The following DNAH11 variants were observed in gnomAD, a reference collection of about 807,000 sequenced individuals.
The protein encoded by DNAH11 is axonemal beta dynein heavy chain 11.
Under a neutral mutation model 526.0 loss-of-function variants are expected in DNAH11, and 442 were observed. The observed-to-expected ratio is 0.84, with a 90% CI of 0.78 to 0.91. DNAH11 has a LOEUF of 0.91. Among genes scored for constraint, DNAH11 ranks in the 40% least tolerant of loss-of-function variants. The pLI is 0.00. For synonymous variants in DNAH11, 2,461 were observed against 1,935.9 expected (o/e 1.27, Z -7.12); for missense variants, 6,989 against 5,448.7 (o/e 1.28, Z -8.90).
chr7:21,833,994 C>A (rs1167690457), intron 65 of DNAH11, among the ~76,000 whole-genome samples: 1 of 152,142 alleles, frequency 6.6e-6, no homozygotes, highest in Non-Finnish European at 1.5e-5. Context: ...ACACTCTAGA[C>A]CAAATGGACC....
intron 44 of DNAH11, 77 bp from the exon 45 acceptor site, chr7:21,725,734 T>A (rs1785070479): frequency 7.0e-7 from 1 of 1,419,140 alleles, no homozygotes; most frequent in African/African-American, 1.4e-5. Context: ...TATGATATTG[T>A]TACTCATAAT....
chr7:21,804,872 A>G (rs146150813), intron 62 of DNAH11, among the ~76,000 whole-genome samples: 1 of 152,268 alleles, frequency 6.6e-6, no homozygotes, highest in African/African-American at 2.4e-5. Flanking sequence ...TTAATCACTC[A>G]AAGTCCAGCC....
At position 21,577,214 on chromosome 7, in the gene DNAH11, G is replaced by A. The variant is rs145895923; in HGVS notation, c.1594-4691G>A. Among the ~76,000 whole-genome samples the A allele has an allele frequency of 6.9e-4, 105 of 152,324 alleles. No homozygotes were observed. In the East Asian group the frequency reaches 0.018, roughly 26 times the overall value. ...TAGCCAAAGGCTCAAGAAGGAGAGA[G>A]CTTAACACAAAAGAAGATTTGTAAG... On this transcript the variant is annotated intron_variant, in intron 8 of 81. Transcript: ENST00000409508.
chr7:21,878,456 G>C (rs1028763118), intron 74 of DNAH11, among the ~76,000 whole-genome samples: 1 of 152,150 alleles, frequency 6.6e-6, no homozygotes, highest in Non-Finnish European at 1.5e-5. Context: ...GGATCTCCTA[G>C]AAATTTCTCA....
At chr7:21,575,085 C>T (rs2128438521) in intron 8 of DNAH11, among the ~76,000 whole-genome samples, 1 of 151,990 alleles carries the variant, frequency 6.6e-6, no homozygotes, top group East Asian at 1.9e-4. Context: ...CCATGTTGGC[C>T]AGGCTGGTCT....
rs147192080 is a variant in DNAH11, at chr7:21,634,896, A to G, written c.4501-975A>G. On this transcript the variant is annotated intron_variant, in intron 25 of 81. Coordinates refer to ENST00000409508, the MANE Select transcript of DNAH11 (RefSeq NM_001277115.2). ...GGGCAGATATGTAATGCTGTGTGAT[A>G]GAAGCGTTTCAGACATACTAACCAT... Among the ~76,000 whole-genome samples, 804 of 152,370 alleles carry G rather than the reference A, an allele frequency of 5.3e-3. 3 individuals carry two copies. Among genetic ancestry groups the G allele is most frequent in the Non-Finnish European group, 9.4e-3 (637 of 68,040 alleles).
At chr7:21,797,021 A>G (rs2127991637) in intron 61 of DNAH11, among the ~76,000 whole-genome samples, 1 of 152,320 alleles carries the variant, frequency 6.6e-6, no homozygotes, top group South Asian at 2.1e-4. Flanking sequence ...AATGAAAGTC[A>G]GATTAAAATA....
intron 9 of DNAH11, among the ~76,000 whole-genome samples, chr7:21,582,900 G>T (rs1406806421): frequency 6.6e-6 from 1 of 152,070 alleles, no homozygotes; most frequent in African/African-American, 2.4e-5. Flanking sequence ...TGAATTGGCT[G>T]GTCAGTGGAG....
At chr7:21,594,820 T>C (rs548805330) in intron 14 of DNAH11, among the ~76,000 whole-genome samples, 3 of 152,230 alleles carry the variant, frequency 2.0e-5, no homozygotes, top group South Asian at 2.1e-4. Flanking sequence ...GACTGGCAGC[T>C]CAGGGGAGGC....
intron 66 of DNAH11, among the ~76,000 whole-genome samples, chr7:21,849,601 A>G (rs565660409): frequency 6.6e-6 from 1 of 152,254 alleles, no homozygotes; most frequent in East Asian, 1.9e-4. Context: ...TTATTTGTTG[A>G]TTGTTTTTTT....
intron 14 of DNAH11, among the ~76,000 whole-genome samples, chr7:21,599,274 C>T (rs7788945): frequency 0.031 from 4,733 of 152,218 alleles, 240 homozygotes; most frequent in African/African-American, 0.11. Context: ...TAATAATAGC[C>T]TCAGTGGACT....
chr7:21,606,296 C>G (rs889871765), intron 18 of DNAH11, 130 bp from the exon 19 acceptor site: 1 of 753,650 alleles, frequency 1.3e-6, no homozygotes, highest in Non-Finnish European at 2.1e-6. Context: ...GCACTCCAGC[C>G]TAGGGGATAG....
intron 4 of DNAH11, 55 bp from the exon 5 acceptor site, chr7:21,561,016 A>T: frequency 8.3e-7 from 1 of 1,210,730 alleles, no homozygotes. Flanking sequence ...GAATGCATGT[A>T]TTTAGTAATC....
intron 68 of DNAH11, among the ~76,000 whole-genome samples, chr7:21,855,241 C>G (rs1016389678): frequency 1.3e-5 from 2 of 151,994 alleles, no homozygotes; most frequent in Non-Finnish European, 2.9e-5. Flanking sequence ...CCGTGTTAGC[C>G]AGAATGATCT....
At chr7:21,730,746 A>G (rs952276041) in intron 45 of DNAH11, among the ~76,000 whole-genome samples, 1 of 152,228 alleles carries the variant, frequency 6.6e-6, no homozygotes, top group African/African-American at 2.4e-5. Flanking sequence ...AGGAGAAATA[A>G]GTTCAAGAGA....
intron 36 of DNAH11, 65 bp downstream of exon 36, chr7:21,698,278 A>C: frequency 6.3e-7 from 1 of 1,577,404 alleles, no homozygotes; most frequent in East Asian, 2.2e-5. Context: ...TGAAGTATGG[A>C]TTTTAGGTAA....
intron 76 of DNAH11, 119 bp from the exon 77 acceptor site, chr7:21,892,306 T>G (rs1784353192): frequency 7.0e-7 from 1 of 1,418,554 alleles, no homozygotes; most frequent in African/African-American, 1.4e-5. Context: ...TTAGGGAGCC[T>G]GCTACCCAGA....
intron 14 of DNAH11, among the ~76,000 whole-genome samples, chr7:21,595,998 C>T (rs533465682): frequency 1.2e-4 from 19 of 152,124 alleles, no homozygotes; most frequent in African/African-American, 4.1e-4. Context: ...CTTACCAAAA[C>T]GTAAAGTACA....
intron 77 of DNAH11, among the ~76,000 whole-genome samples, chr7:21,893,307 T>C (rs1784393920): frequency 6.6e-6 from 1 of 152,212 alleles, no homozygotes; most frequent in Non-Finnish European, 1.5e-5. Flanking sequence ...CAGCAGTGCG[T>C]GTGAGTTCCA....
Sources: gnomAD v4.1 joint callset for allele counts (sites outside exome capture counted in the v4.1 genomes callset) on GRCh38, gnomAD v4.1.1 for gene constraint, MANE v1.5 for transcripts, NCBI Gene and HGNC (gene_info 2026-07-23, HGNC 2026-07-21) for gene names.